CHRNA7: variants seen among roughly 807,000 people sequenced by gnomAD.
The protein encoded by CHRNA7 is neuronal acetylcholine receptor subunit alpha-7.
Under a neutral mutation model 48.0 loss-of-function variants are expected in CHRNA7, and 17 were observed. The ratio of observed to expected loss-of-function variants is 0.35; its 90% CI spans 0.24 to 0.53. CHRNA7 has a LOEUF of 0.53. Ranked by LOEUF, CHRNA7 falls within the 20% of genes least tolerant of loss-of-function variation. CHRNA7 has a pLI of 0.92. For missense variants in CHRNA7, 155 were observed against 577.7 expected, an observed-to-expected ratio of 0.27 and a Z score of 7.50; for synonymous variants, 75 against 242.3, an observed-to-expected ratio of 0.31 and a Z score of 6.41.
intron 3 of CHRNA7, among the ~76,000 whole-genome samples, chr15:32,106,364 A>G (rs2141270137): frequency 6.6e-6 from 1 of 152,342 alleles, no homozygotes; most frequent in Non-Finnish European, 1.5e-5. Flanking sequence ...TTTATTAAAA[A>G]TGGAAAAGGC....
At chr15:32,045,098 C>A (rs183237223) in intron 2 of CHRNA7, among the ~76,000 whole-genome samples, 8 of 152,130 alleles carry the variant, frequency 5.3e-5, no homozygotes, top group Non-Finnish European at 7.4e-5. Flanking sequence ...TTGGTTCTTA[C>A]GATGTTTTCT....
intron 4 of CHRNA7, among the ~76,000 whole-genome samples, chr15:32,119,027 G>T (rs1016587272): frequency 6.6e-6 from 1 of 150,988 alleles, no homozygotes. Flanking sequence ...GAGAAAAAAA[G>T]ACACCTCGGT....
intron 4 of CHRNA7, among the ~76,000 whole-genome samples, chr15:32,120,644 G>A (rs1027662571): frequency 1.3e-4 from 19 of 151,860 alleles, no homozygotes; most frequent in African/African-American, 3.9e-4. Context: ...CAGGTGCTGC[G>A]GTGAATAGAA....
intron 2 of CHRNA7, among the ~76,000 whole-genome samples, chr15:32,043,309 A>T (rs1034131518): frequency 5.3e-5 from 8 of 152,256 alleles, no homozygotes; most frequent in African/African-American, 1.4e-4. Flanking sequence ...TTGGGTTTTT[A>T]AAAAAATTGA....
chr15:32,135,169 G>T (rs1392920425), intron 4 of CHRNA7, among the ~76,000 whole-genome samples: 1 of 152,228 alleles, frequency 6.6e-6, no homozygotes, highest in East Asian at 1.9e-4. Flanking sequence ...TTCCTCTCAT[G>T]CCGGGGATAG....
intron 2 of CHRNA7, among the ~76,000 whole-genome samples, chr15:32,039,410 C>T (rs1185149647): frequency 1.3e-5 from 2 of 152,086 alleles, no homozygotes; most frequent in East Asian, 1.9e-4. Context: ...TATAGATTTT[C>T]GCTTAAGGAC....
chr15:32,150,953 G>C (rs930915443), intron 4 of CHRNA7, among the ~76,000 whole-genome samples: 8 of 151,988 alleles, frequency 5.3e-5, no homozygotes, highest in Non-Finnish European at 1.0e-4. Flanking sequence ...GTAAGGGGGG[G>C]GGATGTGTCC....
chr15:32,085,349 T>C (rs1052683874), intron 2 of CHRNA7, among the ~76,000 whole-genome samples: 1 of 152,240 alleles, frequency 6.6e-6, no homozygotes, highest in African/African-American at 2.4e-5. Flanking sequence ...TTGTGATAGA[T>C]CATTAGCCGT....
intron 3 of CHRNA7, chr15:32,111,330 G>T (rs35057608): frequency 0.16 from 23,770 of 152,912 alleles, 2,323 homozygotes; most frequent in Middle Eastern, 0.25. Flanking sequence ...GAAATTCTGA[G>T]AGGTTCCCAT....
intron 2 of CHRNA7, among the ~76,000 whole-genome samples, chr15:32,048,243 C>G (rs911229468): frequency 8.5e-5 from 13 of 152,232 alleles, no homozygotes; most frequent in African/African-American, 2.9e-4. Flanking sequence ...TCAGAAGGAA[C>G]GGTACCAGTT....
intron 2 of CHRNA7, among the ~76,000 whole-genome samples, chr15:32,067,362 G>A (rs1378356755): frequency 6.6e-6 from 1 of 152,136 alleles, no homozygotes; most frequent in East Asian, 1.9e-4. Flanking sequence ...AGAAAGCAGT[G>A]GAAAAGGATA....
chr15:32,152,788 T>C (rs772442772), intron 4 of CHRNA7, among the ~76,000 whole-genome samples: 1 of 152,092 alleles, frequency 6.6e-6, no homozygotes, highest in Non-Finnish European at 1.5e-5. Flanking sequence ...GCCAGAGTTG[T>C]TTACTATCTC....
intron 3 of CHRNA7, chr15:32,101,858 AT>A (rs142239664): frequency 0.05 from 7,593 of 152,580 alleles, 265 homozygotes; most frequent in East Asian, 0.13. Context: ...TCTAAATTTG[AT>A]TAATTGCAAA....
At chr15:32,166,184 T>G (rs1369880195) in intron 9 of CHRNA7, 5 of 152,212 alleles carry the variant, frequency 3.3e-5, no homozygotes, top group Non-Finnish European at 5.9e-5. Flanking sequence ...TGGGCCAGTT[T>G]ATTAGCCTCT....
chr15:32,065,326 G>A (rs1265910196), intron 2 of CHRNA7, among the ~76,000 whole-genome samples: 1 of 152,202 alleles, frequency 6.6e-6, no homozygotes, highest in Non-Finnish European at 1.5e-5. Context: ...GAGTCTCACT[G>A]TTGGAGAATT....
intron 2 of CHRNA7, among the ~76,000 whole-genome samples, chr15:32,031,271 G>A (rs1273733669): frequency 6.6e-6 from 1 of 152,124 alleles, no homozygotes; most frequent in Non-Finnish European, 1.5e-5. Flanking sequence ...CATCACCCTG[G>A]CCACCTGTGC....
At chr15:32,076,254 A>G (rs1233434118) in intron 2 of CHRNA7, among the ~76,000 whole-genome samples, 1 of 152,170 alleles carries the variant, frequency 6.6e-6, no homozygotes, top group Non-Finnish European at 1.5e-5. Context: ...TTGTGGAGAG[A>G]CAAAGTATAA....
chr15:32,037,815 T>G (rs1284469747), intron 2 of CHRNA7, among the ~76,000 whole-genome samples: 1 of 151,972 alleles, frequency 6.6e-6, no homozygotes, highest in African/African-American at 2.4e-5. Flanking sequence ...TTTGGTCAGT[T>G]ATTTTGGGTT....
intron 2 of CHRNA7, among the ~76,000 whole-genome samples, chr15:32,043,195 T>C (rs1218254069): frequency 6.6e-6 from 1 of 152,114 alleles, no homozygotes; most frequent in East Asian, 1.9e-4. Flanking sequence ...CTTCATTAAC[T>C]CTTACCATCA....
Sources: allele counts gnomAD v4.1 joint callset (sites outside exome capture counted in the v4.1 genomes callset), GRCh38; gene constraint gnomAD v4.1.1; transcripts MANE v1.5; gene names NCBI Gene and HGNC (gene_info 2026-07-23, HGNC 2026-07-21).